DAB1: variants seen among roughly 807,000 people sequenced by gnomAD.
DAB1 encodes DAB adaptor protein 1.
Under a neutral mutation model 64.6 loss-of-function variants are expected in DAB1, and 15 were observed. The observed-to-expected ratio is 0.23, with a 90% confidence interval of 0.16 to 0.36. The LOEUF is 0.36. DAB1 is among the 10% of genes least tolerant of loss of function. The pLI is 1.00. For missense variants in DAB1, 596 were observed against 706.7 expected (o/e 0.84, Z 1.78); for synonymous variants, 235 against 251.9 (o/e 0.93, Z 0.64).
intron 1 of DAB1, among the ~76,000 whole-genome samples, chr1:57,405,574 CAG>C (rs1319804763): frequency 3.9e-5 from 6 of 152,144 alleles, no homozygotes; most frequent in African/African-American, 1.4e-4. Context: ...AATTTTTAAA[CAG>C]AGGGATTTCA....
chr1:58,228,822 A>G, intron 4 of DAB1: 1 of 685,830 alleles, frequency 1.5e-6, no homozygotes, highest in Non-Finnish European at 2.6e-6. Context: ...GTCCAGGTAG[A>G]CATAACCAGC....
chr1:57,885,485 G>A (rs1267795045), upstream of DAB1, among the ~76,000 whole-genome samples: 2 of 152,176 alleles, frequency 1.3e-5, no homozygotes, highest in East Asian at 1.9e-4. Flanking sequence ...CCTGAGGGGT[G>A]TATGTGTGTA....
chr1:58,068,951 C>T (rs1340569956), intron 5 of DAB1, among the ~76,000 whole-genome samples: 3 of 152,184 alleles, frequency 2.0e-5, no homozygotes, highest in South Asian at 2.1e-4. Context: ...TTGGGCTTCA[C>T]GAGGCTTTCA....
Position 57,420,905 on chromosome 1 carries a change from C to T in DAB1, c.-137+3025G>A, listed in dbSNP as rs540217670. On this transcript the variant is annotated intron_variant, in intron 1 of 14. Coordinates refer to ENST00000371236, the MANE Select transcript of DAB1 (RefSeq NM_001365792.1). ...TTCAATTTATGCTATTTTTAAAGTG[C>T]CATCTAAGAGACATAAACTGTGATT... is the stretch of plus-strand genomic sequence containing the variant. Among the ~76,000 whole-genome samples, 8 of 152,220 alleles carry T rather than the reference C, an allele frequency of 5.3e-5. No individual in the cohort carries two copies. In the East Asian group the frequency reaches 1.4e-3, roughly 26 times the overall value.
chr1:57,184,443 C>T (rs965027308), intron 2 of DAB1, among the ~76,000 whole-genome samples: 2 of 152,306 alleles, frequency 1.3e-5, no homozygotes, highest in East Asian at 3.9e-4. Flanking sequence ...CATGCTACTC[C>T]CGTGCCAACC....
chr1:57,158,288 G>A (rs572009765), intron 2 of DAB1, among the ~76,000 whole-genome samples: 3 of 152,268 alleles, frequency 2.0e-5, no homozygotes, highest in African/African-American at 4.8e-5. Context: ...TGCATTGGAA[G>A]GAATGGTCCC....
At chr1:57,928,780 A>C (rs1644914802) in intron 5 of DAB1, among the ~76,000 whole-genome samples, 1 of 152,164 alleles carries the variant, frequency 6.6e-6, no homozygotes, top group Admixed American at 6.6e-5. Context: ...TTGTAGCTTA[A>C]GAGCTCATTT....
At chr1:57,281,594 G>A (rs1671899677) in intron 2 of DAB1, among the ~76,000 whole-genome samples, 1 of 152,162 alleles carries the variant, frequency 6.6e-6, no homozygotes, top group African/African-American at 2.4e-5. Flanking sequence ...GCCATGATAA[G>A]CAGTGTGGAC....
chr1:57,668,458 G>A (rs1045376547), intron 6 of DAB1, among the ~76,000 whole-genome samples: 3 of 152,012 alleles, frequency 2.0e-5, no homozygotes, highest in African/African-American at 7.2e-5. Flanking sequence ...CTATATAAGA[G>A]GGCAATCCTT....
At position 58,071,407 on chromosome 1, in the gene DAB1, G is replaced by GT. The variant is rs1491558909; in HGVS notation, n.387+79103_387+79104insA. The GT allele has an allele frequency of 4.3e-3, 452 of 106,194 alleles. 4 individuals are homozygous for GT. Among genetic ancestry groups the GT allele is most frequent in the African/African-American group, 0.016 (395 of 24,904 alleles). The allele number at this position is 106,194 out of a possible 1,614,324, so 6.6% of individuals were successfully genotyped here. ...GTGTGTGTGTGTGTGTGTGTGTGTGGGTGGGGAGAGACTGAAGTTCCCGCT... is the reference window on the plus strand; with the variant it reads ...GTGTGTGTGTGTGTGTGTGTGTGTGGTGTGGGGAGAGACTGAAGTTCCCGCT... On this transcript the variant is annotated intron_variant and non_coding_transcript_variant, in intron 5 of 20. Coordinates refer to the DAB1 transcript ENST00000485760.
At chr1:57,187,359 TCCTCA>T (rs760579069) in intron 2 of DAB1, among the ~76,000 whole-genome samples, 4 of 152,204 alleles carry the variant, frequency 2.6e-5, no homozygotes, top group Admixed American at 2.0e-4. Flanking sequence ...TTTATAAATC[TCCTCA>T]CATCATCTAT....
At chr1:57,036,692 C>A (rs1647166840) in intron 9 of DAB1, among the ~76,000 whole-genome samples, 1 of 152,060 alleles carries the variant, frequency 6.6e-6, no homozygotes, top group African/African-American at 2.4e-5. Flanking sequence ...CTTTTAAAAA[C>A]TCAACATGAC....
At chr1:57,882,882 T>C (rs190326096) in intron 1 of DAB1, among the ~76,000 whole-genome samples, 1 of 152,228 alleles carries the variant, frequency 6.6e-6, no homozygotes, top group African/African-American at 2.4e-5. Context: ...TAGAAAACCA[T>C]GTAAGACAAA....
At position 58,516,580 on chromosome 1, in the gene DAB1, A is replaced by G. The variant is rs61308141; in HGVS notation, n.108-10371T>C. ...AAATTAAAAGAACTCCTATAAAAACATAAATTTGCACAATAAAATCACTCA... is the reference window on the plus strand; with the variant it reads ...AAATTAAAAGAACTCCTATAAAAACGTAAATTTGCACAATAAAATCACTCA... On this transcript the variant is annotated intron_variant and non_coding_transcript_variant, in intron 2 of 20. Transcript: ENST00000485760. Among the ~76,000 whole-genome samples the G allele has an allele frequency of 5.3e-3, 807 of 152,348 alleles. 8 individuals carry two copies. Among genetic ancestry groups the G allele is most frequent in the African/African-American group, 0.018 (759 of 41,584 alleles).
intron 4 of DAB1, among the ~76,000 whole-genome samples, chr1:58,174,595 G>A (rs770553562): frequency 6.6e-6 from 1 of 152,204 alleles, no homozygotes; most frequent in South Asian, 2.1e-4. Context: ...CTGTTTAGAG[G>A]GGGGATTGAG....
chr1:57,600,329 A>C (rs940479324), intron 7 of DAB1, among the ~76,000 whole-genome samples: 1 of 152,246 alleles, frequency 6.6e-6, no homozygotes, highest in Non-Finnish European at 1.5e-5. Context: ...ATAACAGTCT[A>C]GAGAAAAATA....
At chr1:57,068,414 C>G (rs370189481) in intron 8 of DAB1, among the ~76,000 whole-genome samples, 1 of 152,148 alleles carries the variant, frequency 6.6e-6, no homozygotes, top group Non-Finnish European at 1.5e-5. Flanking sequence ...GTTGGTAGAA[C>G]TAACATTATA....
chr1:57,350,464 G>A (rs1375017432), intron 1 of DAB1, among the ~76,000 whole-genome samples: 1 of 152,162 alleles, frequency 6.6e-6, no homozygotes, highest in Non-Finnish European at 1.5e-5. Context: ...CATGGTAAAT[G>A]TTTAGTGACA....
chr1:57,216,549 C>T (rs896121602), intron 2 of DAB1, among the ~76,000 whole-genome samples: 1 of 152,100 alleles, frequency 6.6e-6, no homozygotes, highest in Non-Finnish European at 1.5e-5. Context: ...CCAGTTTTGG[C>T]TCTAAATAAG....
Sources: gnomAD v4.1 joint callset for allele counts (sites outside exome capture counted in the v4.1 genomes callset) on GRCh38, gnomAD v4.1.1 for gene constraint, MANE v1.5 for transcripts, NCBI Gene and HGNC (gene_info 2026-07-23, HGNC 2026-07-21) for gene names.